The following OR3A2 variants were observed in gnomAD, a reference collection of about 807,000 sequenced individuals.
OR3A2 encodes olfactory receptor family 3 subfamily A member 2, also known as olfactory receptor 3A2.
For synonymous variants in OR3A2, 126 were observed against 159.3 expected (o/e 0.79, Z 1.57); for missense variants, 318 against 392.8 (o/e 0.81, Z 1.61).
chr17:3,310,539 G>C (rs774921697), intron 3 of OR3A2: 13 of 535,920 alleles, frequency 2.4e-5, no homozygotes, highest in South Asian at 8.3e-5. Flanking sequence ...TGTGGGGTGT[G>C]TCAGTGTCAC....
intron 2 of OR3A2, among the ~76,000 whole-genome samples, chr17:3,361,046 A>T (rs1212822917): frequency 6.6e-6 from 1 of 151,502 alleles, no homozygotes; most frequent in Non-Finnish European, 1.5e-5. Context: ...CTTCCTACCC[A>T]TGAGCATGGA....
At chr17:3,278,163 C>A in exon 2 of OR3A2, 1 of 1,614,218 alleles carries the variant, frequency 6.2e-7, no homozygotes, top group South Asian at 1.1e-5. Flanking sequence ...AAAGAAAAGA[C>A]AAACCACGGT....
intron 2 of OR3A2, among the ~76,000 whole-genome samples, chr17:3,380,964 G>C (rs2049730729): frequency 6.6e-6 from 1 of 152,182 alleles, no homozygotes; most frequent in Non-Finnish European, 1.5e-5. Flanking sequence ...ATCTATTGAG[G>C]TTTTATGTCT....
intron 3 of OR3A2, chr17:3,298,342 T>G (rs1242670907): frequency 6.6e-6 from 1 of 152,236 alleles, no homozygotes; most frequent in East Asian, 1.9e-4. Context: ...TGAGTGATCC[T>G]GGATCCCTGC....
At chr17:3,357,613 A>G (rs1021375218) in intron 2 of OR3A2, among the ~76,000 whole-genome samples, 2 of 151,630 alleles carry the variant, frequency 1.3e-5, no homozygotes, top group Non-Finnish European at 2.9e-5. Context: ...GGGGAGGATG[A>G]AAAAGAGGTC....
At chr17:3,337,516 C>A (rs568466926) in intron 2 of OR3A2, among the ~76,000 whole-genome samples, 48 of 151,992 alleles carry the variant, frequency 3.2e-4, no homozygotes, top group African/African-American at 1.1e-3. Context: ...TGAGTGAGAA[C>A]ATGTAGTGCT....
At chr17:3,358,893 C>T (rs9916687) in intron 2 of OR3A2, among the ~76,000 whole-genome samples, 1 of 151,206 alleles carries the variant, frequency 6.6e-6, no homozygotes, top group East Asian at 1.9e-4. Context: ...GAAGAGTCCC[C>T]TTATTATTGT....
Position 3,356,239 on chromosome 17 carries a change from T to C in OR3A2, c.-178-20113A>G, listed in dbSNP as rs150788650. Among the ~76,000 whole-genome samples, 395 of 151,692 alleles carry C rather than the reference T, an allele frequency of 2.6e-3. 18 individuals are homozygous for C. The highest frequency in any genetic ancestry group is 0.014 in the Middle Eastern group (4 of 294). ...GTTATTATTTTTTATTGGTTCATCA[T>C]TTAGTCTTTCTATTTGAGTAGTTTA... On this transcript the variant is annotated intron_variant, in intron 2 of 4. Coordinates refer to the OR3A2 transcript ENST00000573491.
chr17:3,301,541 T>C (rs1170133172), intron 3 of OR3A2, among the ~76,000 whole-genome samples: 1 of 152,222 alleles, frequency 6.6e-6, no homozygotes, highest in Non-Finnish European at 1.5e-5. Flanking sequence ...ATGGGGTTGT[T>C]TGACTTTTTC....
chr17:3,370,535 C>A (rs1404392027), intron 2 of OR3A2, among the ~76,000 whole-genome samples: 1 of 151,578 alleles, frequency 6.6e-6, no homozygotes, highest in Non-Finnish European at 1.5e-5. Flanking sequence ...CTGCTCTGAT[C>A]TTTGTTATTT....
At chr17:3,285,571 G>T (rs1319321842), upstream of OR3A2, among the ~76,000 whole-genome samples, 1 of 152,158 alleles carries the variant, frequency 6.6e-6, no homozygotes, top group Non-Finnish European at 1.5e-5. Context: ...GGGATCGCTT[G>T]AGCCCAGAAG....
At chr17:3,282,385 G>A (rs1265186728) in intron 1 of OR3A2, among the ~76,000 whole-genome samples, 1 of 151,072 alleles carries the variant, frequency 6.6e-6, no homozygotes, top group Non-Finnish European at 1.5e-5. Context: ...CGGCCTGGGC[G>A]ACTCCGTCTG....
At chr17:3,313,458 C>T (rs778019339) in intron 3 of OR3A2, among the ~76,000 whole-genome samples, 13 of 152,258 alleles carry the variant, frequency 8.5e-5, no homozygotes, top group Non-Finnish European at 1.2e-4. Context: ...GGGCTCCTCC[C>T]TAACTCAGTG....
chr17:3,279,102 A>C (rs743610), intron 1 of OR3A2: 727,224 of 984,574 alleles, frequency 0.74, 272,241 homozygotes, highest in East Asian at 1. Flanking sequence ...ATGCCCAATG[A>C]CACCACCACC....
chr17:3,286,273 C>T (rs2048811224), upstream of OR3A2, among the ~76,000 whole-genome samples: 1 of 152,162 alleles, frequency 6.6e-6, no homozygotes, highest in African/African-American at 2.4e-5. Context: ...GCATAGTATT[C>T]CATGGTATAT....
intron 2 of OR3A2, among the ~76,000 whole-genome samples, chr17:3,345,131 C>G (rs1051189541): frequency 6.6e-6 from 1 of 152,012 alleles, no homozygotes. Context: ...AAGGAAGGTA[C>G]CACGATGCTG....
intron 2 of OR3A2, among the ~76,000 whole-genome samples, chr17:3,374,792 T>C (rs747408080): frequency 2.0e-4 from 31 of 152,204 alleles, no homozygotes; most frequent in Non-Finnish European, 4.1e-4. Flanking sequence ...ATTTCTGAGA[T>C]TGTGGTGCAC....
At chr17:3,344,472 TATC>T (rs2049346571) in intron 2 of OR3A2, among the ~76,000 whole-genome samples, 2 of 152,020 alleles carry the variant, frequency 1.3e-5, no homozygotes, top group Admixed American at 1.3e-4. Context: ...AGCTAGACAA[TATC>T]ATCTAGACAC....
chr17:3,357,085 TCAC>T lies in OR3A2; in HGVS notation c.-178-20962_-178-20960del, dbSNP rs570677537. 3.6e-4 allele frequency among the ~76,000 whole-genome samples: 54 copies of T among 151,940 alleles called. 1 individual carries two copies. In the South Asian group the frequency reaches 0.01, roughly 29 times the overall value. On this transcript the variant is annotated intron_variant, in intron 2 of 4. Coordinates refer to the OR3A2 transcript ENST00000573491. ...ACAACAGCTCAAGAGTGCAACTGTT[TCAC>T]CACATCTTGTTTACAGTCATGTATA...
Sources: gnomAD v4.1 joint callset for allele counts (sites outside exome capture counted in the v4.1 genomes callset) on GRCh38, gnomAD v4.1.1 for gene constraint, MANE v1.5 for transcripts, NCBI Gene and HGNC (gene_info 2026-07-23, HGNC 2026-07-21) for gene names.